The following CCDC60 variants were observed in gnomAD, a reference collection of about 807,000 sequenced individuals.
CCDC60 encodes coiled-coil domain-containing protein 60.
A neutral mutation model predicts 63.5 loss-of-function variants in CCDC60; 54 were observed. The ratio of observed to expected loss-of-function variants is 0.85; its 90% CI spans 0.68 to 1.07. The LOEUF (loss-of-function observed/expected upper bound fraction) is 1.07. Among genes scored for constraint, CCDC60 ranks in the 50% least tolerant of loss-of-function variants. The probability of loss-of-function intolerance (pLI) is 0.00; values close to 1 mark genes in which losing one functional copy is unlikely to be tolerated. For synonymous variants in CCDC60, 206 were observed against 238.8 expected, an observed-to-expected ratio of 0.86 and a Z score of 1.27; for missense variants, 651 against 684.3, an observed-to-expected ratio of 0.95 and a Z score of 0.54.
chr12:119,529,432 C>T (rs964953934), intron 12 of CCDC60, among the ~76,000 whole-genome samples: 2 of 152,190 alleles, frequency 1.3e-5, no homozygotes, highest in Admixed American at 6.5e-5. Flanking sequence ...TAACCTCAGT[C>T]TGTGTGCTCA....
intron 1 of CCDC60, among the ~76,000 whole-genome samples, chr12:119,375,946 G>A (rs994458030): frequency 2.0e-5 from 3 of 152,130 alleles, no homozygotes; most frequent in Admixed American, 6.5e-5. Flanking sequence ...CAACTTGCCC[G>A]TTGTCTCTTT....
chr12:119,466,601 G>A (rs1319389256), intron 2 of CCDC60, among the ~76,000 whole-genome samples: 1 of 152,140 alleles, frequency 6.6e-6, no homozygotes, highest in African/African-American at 2.4e-5. Flanking sequence ...TGATAAGAAA[G>A]CCCAGGTGCA....
In CCDC60 at chr12:119,400,047, CTTTTTTTTTTTT is replaced by C. The variant is rs550702095; in HGVS notation, c.91-28627_91-28616del. Among the ~76,000 whole-genome samples the C allele has an allele frequency of 1.4e-4, 18 of 131,800 alleles. No homozygotes were observed. The East Asian group carries it at 3.2e-3, about 24-fold the overall frequency. The allele number at this position is 131,800 out of a possible 152,430, so 86.5% of individuals were successfully genotyped here. On this transcript the variant is annotated intron_variant, in intron 1 of 13. Transcript: ENST00000327554. ...ATAAATTAGCCTACAGGTTGGTTTC[CTTTTTTTTTTTT>C]TTTTTTTTGAGACGGAGTCTCACTC...
At chr12:119,540,188 T>A (rs1953118181) in intron 13 of CCDC60, among the ~76,000 whole-genome samples, 1 of 152,350 alleles carries the variant, frequency 6.6e-6, no homozygotes, top group Non-Finnish European at 1.5e-5. Context: ...GGGGTCTACA[T>A]GAAACTCTTC....
At chr12:119,481,608 A>T (rs1331037103) in intron 4 of CCDC60, among the ~76,000 whole-genome samples, 9 of 150,586 alleles carry the variant, frequency 6.0e-5, no homozygotes, top group African/African-American at 1.9e-4. Flanking sequence ...CTTTTTTTTT[A>T]ATTTTTTTAT....
At position 119,530,903 on chromosome 12, in the gene CCDC60, A is replaced by G. The variant is rs2136532440; in HGVS notation, c.1391A>G (p.Glu464Gly). 1 of 1,614,094 alleles carries G rather than the reference A, an allele frequency of 6.2e-7. No homozygotes were observed. Among genetic ancestry groups the G allele is most frequent in the Non-Finnish European group, 8.5e-7 (1 of 1,179,990 alleles). ...TTTGATCTGTTGTCCAAACTGCCAG[A>G]GGATCTAAAGAACTTCCGCCCCGCC... Reference protein sequence around the residue: ...WYFDLLSKLPEDLKNFRPAKK... With the variant: ...WYFDLLSKLPGDLKNFRPAKK... Residue 464 changes from glutamate to glycine, a missense_variant, in exon 13 of 14, where the codon GAG (glutamate) becomes GGG (glycine). By Grantham distance (98) the Glu-to-Gly change is moderately conservative (BLOSUM62 -2). Transcript: ENST00000327554.
At chr12:119,339,153 G>A (rs943307805) in intron 1 of CCDC60, among the ~76,000 whole-genome samples, 1 of 152,266 alleles carries the variant, frequency 6.6e-6, no homozygotes, top group Non-Finnish European at 1.5e-5. Context: ...TAAGGAAGCA[G>A]ACGAAGTCTA....
At position 119,528,751 on chromosome 12, in the gene CCDC60, A is replaced by G. The variant is rs2014138; in HGVS notation, c.1361+5A>G. The G allele has an allele frequency of 5.0e-6, 8 of 1,612,496 alleles. No homozygotes were observed. Among genetic ancestry groups the G allele is most frequent in the Non-Finnish European group, 6.8e-6 (8 of 1,179,244 alleles). ...AGAAGAAATTGCAGACCACTGGTAA[A>G]TATCCTAAGAACCAGATAAGATGGT... is the stretch of plus-strand genomic sequence containing the variant. On this transcript the variant is annotated splice_donor_5th_base_variant and intron_variant, in intron 12 of 13. Coordinates refer to ENST00000327554, the MANE Select transcript of CCDC60 (RefSeq NM_178499.5).
chr12:119,501,526 T>A (rs953371093), intron 6 of CCDC60, among the ~76,000 whole-genome samples: 8 of 152,218 alleles, frequency 5.3e-5, no homozygotes, highest in African/African-American at 1.9e-4. Flanking sequence ...AAACATCCAA[T>A]GCCTGGTCTT....
chr12:119,530,537 G>A (rs748890022), intron 12 of CCDC60, among the ~76,000 whole-genome samples: 6 of 152,062 alleles, frequency 3.9e-5, no homozygotes, highest in South Asian at 4.2e-4. Context: ...CATCAACTCC[G>A]ACCTGATTAA....
At position 119,349,195 on chromosome 12, in the gene CCDC60, C is replaced by T. The variant is rs59877937; in HGVS notation, c.90+13929C>T. Among the ~76,000 whole-genome samples the T allele has an allele frequency of 2.8e-4, 43 of 152,090 alleles. No individual in the cohort carries two copies. In the East Asian group the frequency reaches 7.3e-3, roughly 26 times the overall value. ...GGGTGGGTTGAGAGAAAATATGCCC[C>T]CACTCTCAAAAGAAGAGCAGAAGGA... On this transcript the variant is annotated intron_variant, in intron 1 of 13. Coordinates refer to ENST00000327554, the MANE Select transcript of CCDC60 (RefSeq NM_178499.5).
chr12:119,527,666 CTT>C (rs869099213), intron 11 of CCDC60, among the ~76,000 whole-genome samples: 7 of 84,962 alleles, frequency 8.2e-5, no homozygotes, highest in African/African-American at 2.5e-4. Context: ...TTCTTTCTTT[CTT>C]TTTTTTTTTT....
intron 1 of CCDC60, among the ~76,000 whole-genome samples, chr12:119,392,356 C>G (rs1313217625): frequency 2.6e-5 from 4 of 152,244 alleles, no homozygotes; most frequent in Non-Finnish European, 5.9e-5. Flanking sequence ...CCACTCTCTT[C>G]ACCTCTGCTG....
chr12:119,393,482 C>T (rs1956196741), intron 1 of CCDC60, among the ~76,000 whole-genome samples: 2 of 152,202 alleles, frequency 1.3e-5, no homozygotes, highest in African/African-American at 4.8e-5. Context: ...TGCATCTCCA[C>T]CTACGCCCTA....
At chr12:119,482,320 T>C (rs1951346616) in intron 4 of CCDC60, among the ~76,000 whole-genome samples, 1 of 151,906 alleles carries the variant, frequency 6.6e-6, no homozygotes, top group South Asian at 2.1e-4. Flanking sequence ...GTTTGTTACA[T>C]AGGCTATTAC....
At chr12:119,462,849 AGTC>A (rs1950882346) in intron 2 of CCDC60, among the ~76,000 whole-genome samples, 1 of 150,920 alleles carries the variant, frequency 6.6e-6, no homozygotes, top group Admixed American at 6.6e-5. Flanking sequence ...TTTGAGACAG[AGTC>A]TTGCTCTCTC....
At chr12:119,437,745 C>T (rs1169985444) in intron 2 of CCDC60, among the ~76,000 whole-genome samples, 1 of 152,188 alleles carries the variant, frequency 6.6e-6, no homozygotes, top group Non-Finnish European at 1.5e-5. Context: ...GTTCTTCCCA[C>T]CATTCCCTCC....
chr12:119,485,107 G>A (rs1951404797), intron 4 of CCDC60, among the ~76,000 whole-genome samples: 1 of 152,222 alleles, frequency 6.6e-6, no homozygotes. Flanking sequence ...ATCAGGAGCA[G>A]GGAACAGTGC....
At chr12:119,511,358 G>C (rs1190222797) in intron 7 of CCDC60, among the ~76,000 whole-genome samples, 1 of 152,202 alleles carries the variant, frequency 6.6e-6, no homozygotes, top group Non-Finnish European at 1.5e-5. Flanking sequence ...ACTGGAGACA[G>C]CAGGTTGCAG....
Sources: allele counts gnomAD v4.1 joint callset (sites outside exome capture counted in the v4.1 genomes callset), GRCh38; gene constraint gnomAD v4.1.1; transcripts MANE v1.5; gene names NCBI Gene and HGNC (gene_info 2026-07-23, HGNC 2026-07-21).